Variants in CACNA1D observed in about 807,000 individuals in gnomAD.
CACNA1D encodes voltage-dependent L-type calcium channel subunit alpha-1D.
In CACNA1D, 55 loss-of-function variants were observed where a neutral mutation model predicts 257.1. That is an observed-to-expected ratio of 0.21 (90% CI 0.17 to 0.27). The LOEUF is 0.27. CACNA1D is among the 10% of genes least tolerant of loss of function. CACNA1D has a pLI of 1.00. For missense variants in CACNA1D, 1,876 were observed against 2,784.0 expected, an observed-to-expected ratio of 0.67 and a Z score of 7.34; for synonymous variants, 980 against 1,014.9, an observed-to-expected ratio of 0.97 and a Z score of 0.65.
intron 3 of CACNA1D, among the ~76,000 whole-genome samples, chr3:53,644,608 G>T (rs746905342): frequency 2.2e-4 from 34 of 152,226 alleles, no homozygotes; most frequent in Non-Finnish European, 4.3e-4. Context: ...GCTTAGCATA[G>T]TGTCCTCTAG....
chr3:53,789,752 GT>G lies in CACNA1D; in HGVS notation c.4923+2801del, dbSNP rs1470925625. On this transcript the variant is annotated intron_variant, in intron 40 of 47. Transcript: ENST00000350061. The surrounding 1 kb of genome is among the most constrained non-coding windows in gnomAD (Gnocchi z 4.2). Reference sequence around the variant, plus strand: ...GCGTGCTTGTGCTGCGTAGGGTGCAGTCTGTCTGAACAGCTTCCAGGATGGG... The same window carrying G: ...GCGTGCTTGTGCTGCGTAGGGTGCAGCTGTCTGAACAGCTTCCAGGATGGG... Among the ~76,000 whole-genome samples the G allele has an allele frequency of 6.6e-6, 1 of 152,252 alleles. No homozygotes were observed. The highest frequency in any genetic ancestry group is 2.4e-5 in the African/African-American group (1 of 41,466).
At chr3:53,531,114 C>G (rs1330153015) in intron 3 of CACNA1D, among the ~76,000 whole-genome samples, 1 of 151,766 alleles carries the variant, frequency 6.6e-6, no homozygotes, top group South Asian at 2.1e-4. Context: ...GCCTCAGCCT[C>G]CCACTGGGAT....
Position 53,762,061 on chromosome 3 carries a change from G to A in CACNA1D, c.3850G>A (p.Val1284Met), listed in dbSNP as rs778716081. 5.0e-6 allele frequency: 8 copies of A among 1,613,022 alleles called. No individual in the cohort carries two copies. Among genetic ancestry groups the A allele is most frequent in the Admixed American group, 1.7e-5 (1 of 60,020 alleles). ...SLIVIGSIID[V>M]ALSEADPTES... is the part of the protein sequence containing the mutation. ...CATCGTAATCGGCAGCATTATAGAC[G>A]TGGCCCTCAGCGAAGCAGACGTGAG... Residue 1284 changes from valine (V) to methionine (M), a missense_variant, in exon 30 of 48, where the codon GTG becomes ATG. By Grantham distance (21) the Val-to-Met change is conservative. Coordinates refer to ENST00000350061, the MANE Select transcript of CACNA1D (RefSeq NM_001128840.3).
chr3:53,723,588 G>A lies in CACNA1D; in HGVS notation c.1821G>A (p.Leu607=). ...TCACTGAGACGATCTTGGTGGAACTGGAAATCATGTCTCCCCTGGGGATCT... is the reference window on the plus strand; with the variant it reads ...TCACTGAGACGATCTTGGTGGAACTAGAAATCATGTCTCCCCTGGGGATCT... ...GGITETILVE[L]EIMSPLGISV... Residue 607 remains leucine (L), a synonymous_variant, in exon 13 of 48, where the codon CTG becomes CTA. Coordinates refer to ENST00000350061, the MANE Select transcript of CACNA1D (RefSeq NM_001128840.3). The surrounding 1 kb of genome is among the most constrained non-coding windows in gnomAD (Gnocchi z 5.6). 2 of 1,614,118 alleles carry A rather than the reference G, an allele frequency of 1.2e-6. No individual in the cohort carries two copies. The highest frequency in any genetic ancestry group is 2.7e-5 in the African/African-American group (2 of 75,018).
Position 53,497,388 on chromosome 3 carries a change from C to G in CACNA1D, c.304C>G (p.Pro102Ala). Residue 102 changes from proline (P) to alanine (A), a missense_variant, in exon 2 of 48, where the codon CCT (proline) becomes GCT (alanine). By Grantham distance (27) the Pro-to-Ala change is conservative. This residue lies in a region of CACNA1D where 143 missense variants were observed against 168.7 expected (regional missense o/e 0.85). Coordinates refer to ENST00000350061, the MANE Select transcript of CACNA1D (RefSeq NM_001128840.3). The part of the protein sequence containing the change: ...KKQGNSSNSR[P>A]ARALFCLSLN... ...ACAGGGTAACTCGTCCAACAGCCGA[C>G]CTGCCCGCGCCCTTTTCTGTTTATC... The G allele has an allele frequency of 1.2e-6, 2 of 1,614,216 alleles. No homozygotes were observed. The highest frequency in any genetic ancestry group is 1.7e-6 in the Non-Finnish European group (2 of 1,180,046).
intron 27 of CACNA1D, 150 bp downstream of exon 27, chr3:53,749,619 A>G (rs2095206980): frequency 4.4e-6 from 3 of 677,594 alleles, no homozygotes; most frequent in Admixed American, 4.5e-5. Flanking sequence ...CCCTCAGCCC[A>G]TTTGAGTCAT....
At chr3:53,500,076 A>G (rs1347251949) in intron 2 of CACNA1D, among the ~76,000 whole-genome samples, 1 of 151,898 alleles carries the variant, frequency 6.6e-6, no homozygotes, top group Non-Finnish European at 1.5e-5. Context: ...CTCTTCGAAG[A>G]TGAAGGTTTT....
chr3:53,745,510 G>T, intron 23 of CACNA1D, 114 bp from the exon 24 acceptor site: 2 of 704,160 alleles, frequency 2.8e-6, no homozygotes, highest in South Asian at 1.5e-5. Flanking sequence ...CAAAGTGCTG[G>T]GATTAGAGGT....
chr3:53,617,251 A>G lies in CACNA1D; in HGVS notation c.484-33528A>G, dbSNP rs922754178. On this transcript the variant is annotated intron_variant, in intron 3 of 47. Coordinates refer to ENST00000350061, the MANE Select transcript of CACNA1D (RefSeq NM_001128840.3). ...AGAGTCACTGTGTGCTCTCCTCTCC[A>G]CTGTCTCCCCCAATTCTCTCCAAAG... Among the ~76,000 whole-genome samples, 79 of 151,556 alleles carry G rather than the reference A, an allele frequency of 5.2e-4. 1 individual carries two copies. The highest frequency in any genetic ancestry group is 1.2e-4 in the Non-Finnish European group (8 of 67,866).
intron 4 of CACNA1D, among the ~76,000 whole-genome samples, chr3:53,655,968 A>G (rs1008286777): frequency 2.6e-5 from 4 of 152,178 alleles, no homozygotes; most frequent in African/African-American, 9.7e-5. Context: ...TAGTATAAGA[A>G]AAGGGTCCAG....
Position 53,810,046 on chromosome 3 carries a change from G to A in CACNA1D, c.5940G>A (p.Ser1980=), listed in dbSNP as rs767458712. The stretch of plus-strand genomic sequence containing the variant: ...ACTCACCGAGTCACTCGACCCGGTC[G>A]TGGGCCACCCCTCCAGCAACCCCTC... The part of the protein sequence containing the change: ...QKYSPSHSTR[S]WATPPATPPY... Residue 1980 remains serine, a synonymous_variant, in exon 47 of 48, where the codon TCG becomes TCA. Transcript: ENST00000350061. 3.4e-5 allele frequency: 55 copies of A among 1,613,758 alleles called. No individual in the cohort carries two copies. In the Admixed American group the frequency reaches 3.5e-4, roughly 10 times the overall value.
At chr3:53,601,659 TA>T (rs1177790167) in intron 3 of CACNA1D, among the ~76,000 whole-genome samples, 4 of 152,170 alleles carry the variant, frequency 2.6e-5, no homozygotes, top group Admixed American at 2.6e-4. Context: ...GCAGTAGTAG[TA>T]ACAACAATAA....
chr3:53,685,445 AT>A (rs2094465943), intron 8 of CACNA1D, among the ~76,000 whole-genome samples: 2 of 152,192 alleles, frequency 1.3e-5, no homozygotes, highest in South Asian at 4.1e-4. Context: ...TCTAGATTAT[AT>A]TTAGATTGGT....
At chr3:53,586,276 C>CTG (rs57318445) in intron 3 of CACNA1D, among the ~76,000 whole-genome samples, 49,470 of 135,742 alleles carry the variant, frequency 0.36, 8,626 homozygotes, top group Middle Eastern at 0.45. Flanking sequence ...TGCCTCTATT[C>CTG]TGTGTGTGTG....
intron 3 of CACNA1D, among the ~76,000 whole-genome samples, chr3:53,633,288 G>A (rs949833357): frequency 2.6e-5 from 4 of 152,168 alleles, no homozygotes; most frequent in African/African-American, 4.8e-5. Flanking sequence ...GAGCTCAGGA[G>A]TTCAAGACCA....
intron 9 of CACNA1D, 103 bp downstream of exon 9, chr3:53,702,913 A>G: frequency 8.0e-7 from 1 of 1,254,566 alleles, no homozygotes; most frequent in Non-Finnish European, 1.1e-6. Context: ...TGAGTGGGAC[A>G]GCCTCCTCCC....
rs1284689896 is a variant in CACNA1D, at chr3:53,666,554, G to A, written c.1116+19G>A. 4.4e-6 allele frequency: 7 copies of A among 1,589,618 alleles called. No homozygotes were observed. The highest frequency in any genetic ancestry group is 2.2e-5 in the East Asian group (1 of 44,738). ...CTACTGGGTAAGTACCCTGGGGAGA[G>A]AGTTTATGGAGTGTTCTTTGCTTGG... On this transcript the variant is annotated intron_variant, in intron 7 of 47. Coordinates refer to ENST00000350061, the MANE Select transcript of CACNA1D (RefSeq NM_001128840.3).
At chr3:53,705,714 G>A (rs1000938747) in intron 9 of CACNA1D, among the ~76,000 whole-genome samples, 4 of 152,152 alleles carry the variant, frequency 2.6e-5, no homozygotes, top group Admixed American at 1.3e-4. Flanking sequence ...GGCCATGATG[G>A]GATTTAGCTG....
intron 3 of CACNA1D, among the ~76,000 whole-genome samples, chr3:53,511,980 G>A (rs1411163245): frequency 6.6e-6 from 1 of 152,168 alleles, no homozygotes; most frequent in African/African-American, 2.4e-5. Context: ...ATATTCTTCA[G>A]TAAATAGATA....
Sources: allele counts gnomAD v4.1 joint callset (sites outside exome capture counted in the v4.1 genomes callset), GRCh38; gene constraint gnomAD v4.1.1; regional missense constraint gnomAD v4.1.1; non-coding constraint Gnocchi (gnomAD v3.1); transcripts MANE v1.5; gene names NCBI Gene and HGNC (gene_info 2026-07-23, HGNC 2026-07-21).